Variants in DGKZ observed in about 807,000 individuals in gnomAD.
DGKZ encodes DAG kinase zeta.
Under a neutral mutation model 142.5 loss-of-function variants are expected in DGKZ, and 45 were observed. The ratio of observed to expected loss-of-function variants is 0.32; its 90% CI spans 0.25 to 0.40. The LOEUF (loss-of-function observed/expected upper bound fraction) is 0.40. DGKZ is among the 10% of genes least tolerant of loss of function. DGKZ has a pLI of 1.00. For synonymous variants in DGKZ, 442 were observed against 527.0 expected, an observed-to-expected ratio of 0.84 and a Z score of 2.21; for missense variants, 755 against 1,306.5, an observed-to-expected ratio of 0.58 and a Z score of 6.51.
In DGKZ at chr11:46,375,420, C is replaced by G; in HGVS notation, c.1711-12C>G. ...CCTGGTGCCATCTGACCCAAGCTTC[C>G]TGTGCCCACAGGCCGCGCTGCAGGT... On this transcript the variant is annotated splice_polypyrimidine_tract_variant and intron_variant, in intron 19 of 30. Coordinates refer to ENST00000527911, the Ensembl canonical transcript of DGKZ. 3 of 1,562,606 alleles carry G rather than the reference C, an allele frequency of 1.9e-6. No homozygotes were observed. The highest frequency in any genetic ancestry group is 2.6e-6 in the Non-Finnish European group (3 of 1,159,340).
chr11:46,340,136 G>A (rs1940206328), intron 1 of DGKZ, among the ~76,000 whole-genome samples: 2 of 152,364 alleles, frequency 1.3e-5, no homozygotes, highest in South Asian at 4.1e-4. Flanking sequence ...GATCCAGACT[G>A]AGATCTGTTT....
chr11:46,374,265 G>C (rs202157119), intron 15 of DGKZ, 30 bp downstream of exon 15: 136 of 1,613,628 alleles, frequency 8.4e-5, no homozygotes, highest in Admixed American at 1.2e-4. Flanking sequence ...GGCCAGGGCA[G>C]GGTGGGCACA....
Position 46,368,096 on chromosome 11 carries a change from G to A in DGKZ, c.444+17G>A, listed in dbSNP as rs767760030. 6.2e-6 allele frequency: 10 copies of A among 1,613,882 alleles called. No homozygotes were observed. In the Admixed American group the frequency reaches 8.3e-5, roughly 13 times the overall value. ...CTGGAGAAGGTGGGTGGGTAGCTCA[G>A]CTTTGCCCGCCCCTGCCCTTTGGGT... On this transcript the variant is annotated intron_variant, in intron 4 of 30. Transcript: ENST00000527911.
At position 46,380,110 on chromosome 11, in the gene DGKZ, A is replaced by G. The variant is rs537765768; in HGVS notation, c.*163A>G. 1.4e-4 allele frequency: 101 copies of G among 710,994 alleles called. No individual in the cohort carries two copies. The African/African-American group carries it at 1.6e-3, about 11-fold the overall frequency. The allele number at this position is 710,994 out of a possible 1,614,324, so 44.0% of individuals were successfully genotyped here. A position where few individuals can be genotyped will look rare whatever the true frequency, so the allele number is the denominator to read the frequency against. On this transcript the variant is annotated 3_prime_UTR_variant, in exon 31 of 31. Coordinates refer to ENST00000527911, the Ensembl canonical transcript of DGKZ. Reference sequence around the variant, plus strand: ...AGGAGCCGCCCAGACCTAGGGCTGGACTCAGGAGCTGGGGGGGCCTCACCT... The same window carrying G: ...AGGAGCCGCCCAGACCTAGGGCTGGGCTCAGGAGCTGGGGGGGCCTCACCT...
chr11:46,333,528 C>T, intron 1 of DGKZ: 1 of 1,516,498 alleles, frequency 6.6e-7, no homozygotes. Context: ...GCGCTTGGGA[C>T]CACCCCTCTT....
chr11:46,364,988 TG>T, intron 1 of DGKZ: 22 of 985,462 alleles, frequency 2.2e-5, no homozygotes, highest in Non-Finnish European at 2.5e-5. Context: ...CTCAGGTACC[TG>T]GAGGCATCGC....
chr11:46,340,384 G>A (rs576797627), intron 1 of DGKZ, among the ~76,000 whole-genome samples: 2 of 152,220 alleles, frequency 1.3e-5, no homozygotes, highest in South Asian at 2.1e-4. Flanking sequence ...GTAGTCCAGG[G>A]TGGGGACAGA....
rs549229489 is a variant in DGKZ, at chr11:46,369,891, G to A, written c.502-50G>A. ...AGCCGTGTGGGCAGTCCTCAGGACT[G>A]TGCCCCTGCCCACCCCTCACCCAGT... On this transcript the variant is annotated intron_variant, in intron 5 of 30. Transcript: ENST00000527911. The A allele has an allele frequency of 2.7e-5, 43 of 1,596,074 alleles. No individual in the cohort carries two copies. The East Asian group carries it at 8.9e-4, about 33-fold the overall frequency.
intron 1 of DGKZ, among the ~76,000 whole-genome samples, chr11:46,337,129 A>G (rs1220960104): frequency 6.6e-6 from 1 of 152,088 alleles, no homozygotes; most frequent in Non-Finnish European, 1.5e-5. Context: ...TCAAGAGACC[A>G]TGGGAGAGCA....
At chr11:46,363,005 A>G (rs890347580) in intron 1 of DGKZ, among the ~76,000 whole-genome samples, 1 of 151,848 alleles carries the variant, frequency 6.6e-6, no homozygotes, top group African/African-American at 2.4e-5. Flanking sequence ...CAGGCTCCCC[A>G]CCCGGAGACC....
At chr11:46,338,907 C>G (rs999980693) in intron 1 of DGKZ, 3 of 152,352 alleles carry the variant, frequency 2.0e-5, no homozygotes, top group Non-Finnish European at 2.9e-5. Flanking sequence ...CAAGTTAGAG[C>G]TTTTGTCCTG....
At chr11:46,340,025 G>A (rs1940200847) in intron 1 of DGKZ, among the ~76,000 whole-genome samples, 1 of 152,254 alleles carries the variant, frequency 6.6e-6, no homozygotes, top group Non-Finnish European at 1.5e-5. Flanking sequence ...AGTAGGCAGT[G>A]CTTTGGAGGC....
At chr11:46,333,599 A>T (rs961754483) in intron 1 of DGKZ, 29 of 998,858 alleles carry the variant, frequency 2.9e-5, no homozygotes, top group Non-Finnish European at 4.0e-5. Flanking sequence ...CTGGGAGTTT[A>T]GAGATGACTG....
At chr11:46,339,245 G>A (rs1940162215) in intron 1 of DGKZ, among the ~76,000 whole-genome samples, 1 of 152,210 alleles carries the variant, frequency 6.6e-6, no homozygotes, top group Non-Finnish European at 1.5e-5. Flanking sequence ...AATAACCCAA[G>A]AGTGACAGGG....
rs1301140760 is a variant in DGKZ at position 46,372,027 on chromosome 11, G to A, written c.832-48G>A. 6.5e-7 allele frequency: 1 copy of A among 1,532,650 alleles called. No homozygotes were observed. Among genetic ancestry groups the A allele is most frequent in the Admixed American group, 1.8e-5 (1 of 54,204 alleles). 94.9% of individuals were successfully genotyped at this position (1,532,650 alleles called of 1,614,324 possible). On this transcript the variant is annotated intron_variant, in intron 9 of 30. Coordinates refer to ENST00000527911, the Ensembl canonical transcript of DGKZ. The surrounding 1 kb of genome is among the most constrained non-coding windows in gnomAD (Gnocchi z 5.9). ...GGGGGCCTGCTAAGGATGATGGTAGGGTGTCCTGGACGGGAAGGAGCTTAC... is the reference window on the plus strand; with the variant it reads ...GGGGGCCTGCTAAGGATGATGGTAGAGTGTCCTGGACGGGAAGGAGCTTAC...
intron 14 of DGKZ, among the ~76,000 whole-genome samples, 184 bp downstream of exon 14, chr11:46,373,285 GT>G (rs961769830): frequency 0.015 from 1,755 of 115,218 alleles, 2 homozygotes; most frequent in African/African-American, 0.052. Flanking sequence ...TTTTTTTTTT[GT>G]TTTTTTTTTT....
intron 1 of DGKZ, among the ~76,000 whole-genome samples, chr11:46,340,567 T>C (rs1940230817): frequency 6.6e-6 from 1 of 152,236 alleles, no homozygotes; most frequent in East Asian, 1.9e-4. Context: ...CCTGCAGCTC[T>C]CTTGCCTCAG....
chr11:46,344,080 G>T (rs1239844478), upstream of DGKZ, among the ~76,000 whole-genome samples: 1 of 151,988 alleles, frequency 6.6e-6, no homozygotes, highest in Admixed American at 6.6e-5. Context: ...CTCCAGAGTA[G>T]CTGGGATTAC....
chr11:46,374,507 C>T (rs1467886354), intron 16 of DGKZ, 53 bp downstream of exon 16: 5 of 1,613,384 alleles, frequency 3.1e-6, no homozygotes, highest in Middle Eastern at 1.6e-4. Context: ...CACCCGTGCC[C>T]GTGCCCACCT....
Sources: gnomAD v4.1 joint callset for allele counts (sites outside exome capture counted in the v4.1 genomes callset) on GRCh38, gnomAD v4.1.1 for gene constraint, Gnocchi (gnomAD v3.1) non-coding constraint, MANE v1.5 for transcripts, NCBI Gene and HGNC (gene_info 2026-07-23, HGNC 2026-07-21) for gene names.